Variants in TAFA2 observed in about 807,000 individuals in gnomAD.
TAFA2 encodes chemokine-like protein TAFA-2.
TAFA2 carries 7 observed loss-of-function variants against 18.8 expected under a neutral mutation model. That is an observed-to-expected ratio of 0.37 (90% CI 0.21 to 0.70). The LOEUF (loss-of-function observed/expected upper bound fraction) is 0.70. Ranked by LOEUF, TAFA2 falls within the 30% of genes least tolerant of loss-of-function variation. The pLI is 0.53. For synonymous variants in TAFA2, 60 were observed against 54.2 expected, an observed-to-expected ratio of 1.11 and a Z score of -0.47; for missense variants, 122 against 158.1, an observed-to-expected ratio of 0.77 and a Z score of 1.23.
intron 1 of TAFA2, among the ~76,000 whole-genome samples, chr12:62,122,568 A>T (rs1870245321): frequency 6.6e-6 from 1 of 152,206 alleles, no homozygotes; most frequent in Non-Finnish European, 1.5e-5. Context: ...AGGCATAAAG[A>T]GGTTAATAAC....
chr12:62,069,953 C>T (rs1452214084), intron 1 of TAFA2, among the ~76,000 whole-genome samples: 1 of 152,194 alleles, frequency 6.6e-6, no homozygotes, highest in Non-Finnish European at 1.5e-5. Flanking sequence ...GGTGGCCTTA[C>T]TTCCTGAAGA....
intron 2 of TAFA2, among the ~76,000 whole-genome samples, chr12:61,857,369 C>G (rs952154205): frequency 1.3e-5 from 2 of 152,004 alleles, no homozygotes; most frequent in Admixed American, 6.6e-5. Flanking sequence ...TAAGGATATT[C>G]AATTTAATTT....
intron 1 of TAFA2, among the ~76,000 whole-genome samples, chr12:62,172,616 C>T (rs546197784): frequency 9.2e-5 from 14 of 152,176 alleles, no homozygotes; most frequent in Non-Finnish European, 1.9e-4. Context: ...TGCTCAGTAA[C>T]ACTGTAGCCA....
At chr12:61,852,396 C>G (rs1873712203) in intron 2 of TAFA2, among the ~76,000 whole-genome samples, 1 of 152,038 alleles carries the variant, frequency 6.6e-6, no homozygotes, top group African/African-American at 2.4e-5. Context: ...AGCGAGTGAG[C>G]TGTGGATAGG....
intron 2 of TAFA2, among the ~76,000 whole-genome samples, chr12:61,778,003 T>C (rs1251935762): frequency 1.3e-5 from 2 of 151,772 alleles, no homozygotes; most frequent in African/African-American, 4.8e-5. Context: ...TGGGAGCTCA[T>C]TCTTTAGGGT....
chr12:61,810,440 C>A (rs1316891607), intron 2 of TAFA2, among the ~76,000 whole-genome samples: 3 of 150,870 alleles, frequency 2.0e-5, no homozygotes, highest in African/African-American at 4.9e-5. Context: ...ATAAAGAAGA[C>A]AATATGAGGA....
Position 62,050,201 on chromosome 12 carries a change from G to A in TAFA2, c.-2+141058C>T, listed in dbSNP as rs562046859. Among the ~76,000 whole-genome samples, 7 of 152,150 alleles carry A rather than the reference G, an allele frequency of 4.6e-5. No individual in the cohort carries two copies. In the South Asian group the frequency reaches 6.2e-4, roughly 14 times the overall value. On this transcript the variant is annotated intron_variant, in intron 1 of 4. Transcript: ENST00000416284. ...GTAAATGCCTGAGACCATGCCCTCC[G>A]ACCTTCCAGGGGACACAGATTCTAA... is the stretch of plus-strand genomic sequence containing the variant.
chr12:61,934,375 C>G (rs1877680265), intron 1 of TAFA2, among the ~76,000 whole-genome samples: 1 of 152,138 alleles, frequency 6.6e-6, no homozygotes, highest in South Asian at 2.1e-4. Flanking sequence ...CTCAGAAATT[C>G]AAAATTGGGA....
chr12:61,714,132 A>G (rs1391004266), intron 4 of TAFA2, among the ~76,000 whole-genome samples: 2 of 152,156 alleles, frequency 1.3e-5, no homozygotes, highest in Non-Finnish European at 2.9e-5. Context: ...AATGCACACT[A>G]TCTTCTTGTT....
At chr12:61,865,527 C>CT (rs1466034369) in intron 2 of TAFA2, among the ~76,000 whole-genome samples, 1 of 152,134 alleles carries the variant, frequency 6.6e-6, no homozygotes, top group Non-Finnish European at 1.5e-5. Flanking sequence ...CAAAAAAACT[C>CT]TATCTTCTGT....
chr12:62,066,208 GCATGCAATGCA>G (rs1295949234), intron 1 of TAFA2, among the ~76,000 whole-genome samples: 1 of 151,456 alleles, frequency 6.6e-6, no homozygotes, highest in Non-Finnish European at 1.5e-5. Flanking sequence ...TTTGGTATCA[GCATGCAATGCA>G]TGATAATCAC....
chr12:61,864,469 A>G (rs779486550), intron 2 of TAFA2, among the ~76,000 whole-genome samples: 2 of 151,008 alleles, frequency 1.3e-5, no homozygotes, highest in Admixed American at 6.6e-5. Context: ...ATATAAAAAG[A>G]GAAACCCAAA....
At chr12:61,990,357 T>TTTTTTTA (rs1879961613) in intron 1 of TAFA2, among the ~76,000 whole-genome samples, 5 of 149,754 alleles carry the variant, frequency 3.3e-5, no homozygotes, top group African/African-American at 4.9e-5. Flanking sequence ...TTTTTTTTTT[T>TTTTTTTA]GAGGCAGAGT....
At chr12:62,214,559 TC>T (rs1331462377) in intron 1 of TAFA2, among the ~76,000 whole-genome samples, 1 of 152,196 alleles carries the variant, frequency 6.6e-6, no homozygotes, top group Non-Finnish European at 1.5e-5. Flanking sequence ...AAGTCCTAAC[TC>T]CTACTATCTC....
intron 1 of TAFA2, among the ~76,000 whole-genome samples, chr12:62,092,667 A>G (rs147029829): frequency 6.6e-6 from 1 of 152,146 alleles, no homozygotes; most frequent in African/African-American, 2.4e-5. Flanking sequence ...GATTTGAAAT[A>G]TGGTATATGT....
At chr12:61,979,103 A>G (rs1360483625) in intron 1 of TAFA2, among the ~76,000 whole-genome samples, 1 of 152,130 alleles carries the variant, frequency 6.6e-6, no homozygotes, top group Non-Finnish European at 1.5e-5. Flanking sequence ...TTTTCTGCAG[A>G]TAACGTCATG....
chr12:61,937,414 G>C (rs1367867724), intron 1 of TAFA2, among the ~76,000 whole-genome samples: 3 of 152,050 alleles, frequency 2.0e-5, no homozygotes, highest in Admixed American at 1.3e-4. Flanking sequence ...ATACTACAAG[G>C]CTACAGTTAC....
intron 1 of TAFA2, among the ~76,000 whole-genome samples, chr12:62,242,922 A>G (rs915687993): frequency 2.0e-5 from 3 of 152,362 alleles, no homozygotes; most frequent in African/African-American, 7.2e-5. Context: ...AACTCCCATC[A>G]AAAACATTTT....
At chr12:62,259,060 A>G (rs1482756654), upstream of TAFA2, 1 of 154,182 alleles carries the variant, frequency 6.5e-6, no homozygotes, top group Non-Finnish European at 1.5e-5. Flanking sequence ...TAATGCCAAT[A>G]TACACTACTT....
Sources: allele counts gnomAD v4.1 joint callset (sites outside exome capture counted in the v4.1 genomes callset), GRCh38; gene constraint gnomAD v4.1.1; transcripts MANE v1.5; gene names NCBI Gene and HGNC (gene_info 2026-07-23, HGNC 2026-07-21).